The following ACTR3C variants were observed in gnomAD, a reference collection of about 807,000 sequenced individuals.
ACTR3C encodes the protein actin related protein 3C.
In ACTR3C, 18 loss-of-function variants were observed where a neutral mutation model predicts 26.3. That is an observed-to-expected ratio of 0.68 (90% CI 0.47 to 1.01). ACTR3C has a LOEUF of 1.01. Among genes scored for constraint, ACTR3C ranks in the 50% least tolerant of loss-of-function variants. The pLI is 0.00. For synonymous variants in ACTR3C, 55 were observed against 94.5 expected (o/e 0.58, Z 2.42); for missense variants, 184 against 250.7 (o/e 0.73, Z 1.80).
chr7:149,979,053 G>A, the ACTR3C span, among the ~76,000 whole-genome samples: 15 of 152,250 alleles, frequency 9.9e-5, no homozygotes, highest in East Asian at 1.2e-3. Flanking sequence ...TCTGCTACCC[G>A]TCTGCTCACC....
At chr7:150,011,328 T>A in the ACTR3C span, among the ~76,000 whole-genome samples, 1 of 151,982 alleles carries the variant, frequency 6.6e-6, no homozygotes, top group Admixed American at 6.6e-5. Context: ...GGCTCACGCC[T>A]GTAATCTCAG....
At chr7:150,243,761 CA>C (rs981739672), downstream of ACTR3C, among the ~76,000 whole-genome samples, 3 of 151,800 alleles carry the variant, frequency 2.0e-5, no homozygotes, top group Non-Finnish European at 4.4e-5. Context: ...TAGGGAAATA[CA>C]AAAAAAGTCT....
chr7:150,286,401 C>T lies in ACTR3C; in HGVS notation c.437G>A (p.Arg146Lys), dbSNP rs777269820. The change falls in exon 5 of 8, where the codon AGA becomes AAA. Residue 146 changes from arginine to lysine, a missense_variant. Transcript: ENST00000683684. The stretch of plus-strand genomic sequence containing the variant: ...AAAGAATATTTCAGGTCCCAGGAAT[C>T]TTTCGTAACCAACGTCTATAACAAA... ...KKFVIDVGYE[R>K]FLGPEIFFHP... 1.2e-6 allele frequency: 2 copies of T among 1,613,766 alleles called. No homozygotes were observed. The highest frequency in any genetic ancestry group is 2.7e-5 in the African/African-American group (2 of 74,788).
At chr7:150,057,934 AT>A in the ACTR3C span, among the ~76,000 whole-genome samples, 191 of 152,356 alleles carry the variant, frequency 1.3e-3, no homozygotes, top group Middle Eastern at 6.8e-3. Context: ...TTGAGGAAAA[AT>A]AATCACTAAA....
At chr7:150,018,621 T>C in the ACTR3C span, among the ~76,000 whole-genome samples, 1 of 150,276 alleles carries the variant, frequency 6.7e-6, no homozygotes, top group Non-Finnish European at 1.5e-5. Flanking sequence ...GTTGGCTAGA[T>C]ATTTTAACAA....
chr7:150,157,784 C>T, the ACTR3C span, among the ~76,000 whole-genome samples: 1 of 152,140 alleles, frequency 6.6e-6, no homozygotes, highest in Admixed American at 6.5e-5. Context: ...GGGAAAACAT[C>T]AAGCCACATT....
At chr7:150,120,080 A>T in the ACTR3C span, among the ~76,000 whole-genome samples, 1 of 152,200 alleles carries the variant, frequency 6.6e-6, no homozygotes, top group Non-Finnish European at 1.5e-5. Context: ...GACAAAGCTA[A>T]AGCAGTGTTT....
chr7:150,178,689 T>C, the ACTR3C span, among the ~76,000 whole-genome samples: 1 of 150,758 alleles, frequency 6.6e-6, no homozygotes. Context: ...GGTACAAACA[T>C]GTACAGTCAA....
the ACTR3C span, among the ~76,000 whole-genome samples, chr7:149,936,700 G>A: frequency 2.0e-5 from 3 of 152,238 alleles, no homozygotes; most frequent in African/African-American, 7.2e-5. Context: ...GAAACACCTG[G>A]AGGTCCTGGG....
chr7:150,032,354 G>C, the ACTR3C span, among the ~76,000 whole-genome samples: 9 of 152,274 alleles, frequency 5.9e-5, no homozygotes, highest in South Asian at 1.9e-3. Context: ...TGCAAGGTCT[G>C]CAGAACCACT....
At chr7:150,190,670 T>C in the ACTR3C span, among the ~76,000 whole-genome samples, 4,482 of 152,310 alleles carry the variant, frequency 0.029, 220 homozygotes, top group African/African-American at 0.1. Flanking sequence ...TGTGAGTCTA[T>C]TTCTGGACTC....
At chr7:150,156,046 G>A in the ACTR3C span, among the ~76,000 whole-genome samples, 1 of 151,308 alleles carries the variant, frequency 6.6e-6, no homozygotes, top group Non-Finnish European at 1.5e-5. Flanking sequence ...CCTTTAACTC[G>A]GGCCTTGCAG....
the ACTR3C span, among the ~76,000 whole-genome samples, chr7:150,186,184 CTCTT>C: frequency 2.0e-5 from 3 of 152,152 alleles, no homozygotes; most frequent in Admixed American, 2.0e-4. Context: ...TAAAAACTCT[CTCTT>C]CTAAAACAAT....
the ACTR3C span, among the ~76,000 whole-genome samples, chr7:149,910,073 A>G: frequency 6.7e-6 from 1 of 150,048 alleles, no homozygotes; most frequent in African/African-American, 2.5e-5. Context: ...AAAGGGAGGC[A>G]CTGAGAAGTT....
chr7:150,188,447 G>C, the ACTR3C span, among the ~76,000 whole-genome samples: 3 of 151,654 alleles, frequency 2.0e-5, no homozygotes, highest in Non-Finnish European at 4.4e-5. Context: ...TGTGTGCACA[G>C]TCTGTAGTTC....
chr7:150,233,773 T>G, the ACTR3C span, among the ~76,000 whole-genome samples: 101 of 149,650 alleles, frequency 6.7e-4, no homozygotes, highest in Middle Eastern at 3.5e-3. Context: ...CTAAAACAGT[T>G]ATTTTAAATT....
the ACTR3C span, among the ~76,000 whole-genome samples, chr7:149,915,236 A>G: frequency 6.6e-6 from 1 of 151,422 alleles, no homozygotes; most frequent in African/African-American, 2.5e-5. Context: ...TTAAGTGAAA[A>G]ACTAAAGCAA....
the ACTR3C span, among the ~76,000 whole-genome samples, chr7:149,998,653 T>C: frequency 2.0e-5 from 3 of 149,942 alleles, no homozygotes; most frequent in Non-Finnish European, 4.4e-5. Flanking sequence ...CACGATTAAA[T>C]TACCTCCCAC....
chr7:150,144,401 A>G, the ACTR3C span, among the ~76,000 whole-genome samples: 2 of 152,254 alleles, frequency 1.3e-5, no homozygotes, highest in South Asian at 4.1e-4. This position sits in a 1 kb window ranked among gnomAD's most constrained non-coding sequence, Gnocchi z 4.6. Context: ...AAAGTATGCA[A>G]TCCATAAAGG....
Sources: allele counts gnomAD v4.1 joint callset (sites outside exome capture counted in the v4.1 genomes callset), GRCh38; gene constraint gnomAD v4.1.1; non-coding constraint Gnocchi (gnomAD v3.1); transcripts MANE v1.5; gene names NCBI Gene and HGNC (gene_info 2026-07-23, HGNC 2026-07-21).